Variants in ACOT7 observed in about 807,000 individuals in gnomAD.
ACOT7 encodes acyl-CoA thioesterase 7.
In ACOT7, 12 loss-of-function variants were observed where a neutral mutation model predicts 40.2. That is an observed-to-expected ratio of 0.30 (90% CI 0.19 to 0.48). ACOT7 has a LOEUF of 0.48. Ranked by LOEUF, ACOT7 falls within the 20% of genes least tolerant of loss-of-function variation. The pLI is 0.99. For missense variants in ACOT7, 395 were observed against 530.8 expected (o/e 0.74, Z 2.51); for synonymous variants, 228 against 219.5 (o/e 1.04, Z -0.34).
At chr1:6,264,778 C>A (rs1035401771) in intron 8 of ACOT7, 83 bp from the exon 9 acceptor site, 5 of 1,426,332 alleles carry the variant, frequency 3.5e-6, no homozygotes, top group Non-Finnish European at 4.8e-6. Flanking sequence ...TGGGGCCCTG[C>A]CCCCCACCCG....
intron 1 of ACOT7, among the ~76,000 whole-genome samples, chr1:6,371,046 T>C (rs1642124327): frequency 6.6e-6 from 1 of 152,120 alleles, no homozygotes; most frequent in Non-Finnish European, 1.5e-5. Context: ...CCTGACCTCG[T>C]GATCCACTTG....
chr1:6,272,400 T>C (rs1446856582), intron 8 of ACOT7, among the ~76,000 whole-genome samples: 2 of 152,038 alleles, frequency 1.3e-5, no homozygotes, highest in Non-Finnish European at 2.9e-5. Context: ...GCTCAGACCA[T>C]GGAGGGTCTG....
chr1:6,349,921 C>T lies in ACOT7; in HGVS notation c.144-55G>A, dbSNP rs1405828421. Reference sequence around the variant, plus strand: ...TCTGGAGAGGATGCCATTTGTGCAACAGTGACAATCCAAGGAGGGGAGAAG... The same window carrying T: ...TCTGGAGAGGATGCCATTTGTGCAATAGTGACAATCCAAGGAGGGGAGAAG... On this transcript the variant is annotated intron_variant, in intron 1 of 8. Coordinates refer to ENST00000361521, the MANE Select transcript of ACOT7 (RefSeq NM_007274.4). 8 of 1,548,336 alleles carry T rather than the reference C, an allele frequency of 5.2e-6. No homozygotes were observed. In the East Asian group the frequency reaches 1.1e-4, roughly 22 times the overall value.
intron 6 of ACOT7, chr1:6,295,193 G>T (rs1639779172): frequency 2.1e-6 from 1 of 486,920 alleles, no homozygotes; most frequent in Non-Finnish European, 3.7e-6. Context: ...GACCATGGCT[G>T]ATATGCCAAG....
In ACOT7 at chr1:6,282,433, C is replaced by T. The variant is rs1222191707; in HGVS notation, c.830-1147G>A. Among the ~76,000 whole-genome samples, 2 of 152,186 alleles carry T rather than the reference C, an allele frequency of 1.3e-5. No homozygotes were observed. Among genetic ancestry groups the T allele is most frequent in the Non-Finnish European group, 1.5e-5 (1 of 68,032 alleles). ...CAGAATGCCCTCCCAGGCGGCCCAG[C>T]GTGGCCTCTATTCTGGGCCAGGCTC... On this transcript the variant is annotated intron_variant, in intron 7 of 8. Coordinates refer to ENST00000361521, the MANE Select transcript of ACOT7 (RefSeq NM_007274.4). The surrounding 1 kb of genome is among the most constrained non-coding windows in gnomAD (Gnocchi z 4.5).
At chr1:6,387,179 A>G (rs1302239807) in intron 1 of ACOT7, among the ~76,000 whole-genome samples, 2 of 152,110 alleles carry the variant, frequency 1.3e-5, no homozygotes, top group African/African-American at 4.8e-5. Context: ...AGGGGCCAAC[A>G]GTAGGGGAAT....
At chr1:6,388,688 C>A (rs1160968679) in intron 1 of ACOT7, among the ~76,000 whole-genome samples, 9 of 143,846 alleles carry the variant, frequency 6.3e-5, no homozygotes, top group African/African-American at 2.3e-4. Flanking sequence ...TGCAGTGAGC[C>A]AAGATCCTGT....
At chr1:6,329,769 C>T (rs900427032) in intron 4 of ACOT7, among the ~76,000 whole-genome samples, 1 of 152,084 alleles carries the variant, frequency 6.6e-6, no homozygotes, top group Admixed American at 6.5e-5. Flanking sequence ...ATCTGAGAGA[C>T]AGGCTGTGAA....
At chr1:6,356,101 C>T (rs375906634) in intron 1 of ACOT7, among the ~76,000 whole-genome samples, 1 of 152,158 alleles carries the variant, frequency 6.6e-6, no homozygotes, top group African/African-American at 2.4e-5. Context: ...AAGATGAGGT[C>T]GCCGTGCCTT....
chr1:6,265,881 A>G (rs916465162), intron 8 of ACOT7, among the ~76,000 whole-genome samples: 4 of 152,200 alleles, frequency 2.6e-5, no homozygotes, highest in Admixed American at 2.6e-4. Flanking sequence ...TCATAGACAA[A>G]TGGTATATTG....
intron 1 of ACOT7, among the ~76,000 whole-genome samples, chr1:6,387,754 G>A (rs553005458): frequency 1.1e-3 from 167 of 152,300 alleles, no homozygotes; most frequent in Middle Eastern, 3.4e-3. Flanking sequence ...CACTTACAGC[G>A]TGAGGTTGGA....
intron 1 of ACOT7, among the ~76,000 whole-genome samples, chr1:6,360,168 T>G (rs1370524993): frequency 6.6e-6 from 1 of 152,244 alleles, no homozygotes; most frequent in Non-Finnish European, 1.5e-5. Flanking sequence ...CCACACGCAC[T>G]GGGTCCCACA....
intron 6 of ACOT7, among the ~76,000 whole-genome samples, chr1:6,305,095 G>A (rs554806027): frequency 3.3e-4 from 45 of 138,096 alleles, no homozygotes; most frequent in African/African-American, 6.5e-4. Context: ...CATCCCTCCC[G>A]GATGGGGCGG....
chr1:6,280,193 G>T (rs543661759), intron 8 of ACOT7, among the ~76,000 whole-genome samples: 21 of 152,320 alleles, frequency 1.4e-4, no homozygotes, highest in Admixed American at 1.2e-3. Context: ...CTCTGTTCCC[G>T]CATCCTCGCT....
chr1:6,292,732 A>G (rs1571277293), intron 7 of ACOT7, among the ~76,000 whole-genome samples: 2 of 141,288 alleles, frequency 1.4e-5, no homozygotes, highest in African/African-American at 2.7e-5. Context: ...CCCAGGCTGG[A>G]GTGTGGTGGT....
chr1:6,393,054 G>A, intron 1 of ACOT7, among the ~76,000 whole-genome samples: 1 of 151,620 alleles, frequency 6.6e-6, no homozygotes, highest in East Asian at 1.9e-4. Flanking sequence ...GCTGGAGGCG[G>A]GCGGGGGCCG....
chr1:6,384,643 T>C (rs1255265880), intron 1 of ACOT7, among the ~76,000 whole-genome samples: 3 of 151,802 alleles, frequency 2.0e-5, no homozygotes, highest in Non-Finnish European at 2.9e-5. Context: ...TATAGGAAGG[T>C]AAGGTTGAAA....
At chr1:6,298,885 T>C (rs1312431217) in intron 6 of ACOT7, among the ~76,000 whole-genome samples, 1 of 152,174 alleles carries the variant, frequency 6.6e-6, no homozygotes, top group Non-Finnish European at 1.5e-5. Context: ...TGTGTCAATA[T>C]CGAGGGCTTC....
Position 6,339,897 on chromosome 1 carries a change from T to G in ACOT7, c.262-308A>C, listed in dbSNP as rs1033557782. Among the ~76,000 whole-genome samples the G allele has an allele frequency of 4.3e-5, 6 of 138,290 alleles. 1 individual carries two copies. The highest frequency in any genetic ancestry group is 1.5e-4 in the African/African-American group (5 of 32,900). The allele number at this position is 138,290 out of a possible 152,430, so 90.7% of individuals were successfully genotyped here. Reference sequence around the variant, plus strand: ...TAGGACTACAGGCGCCCGCTGGGACTACAGCGGGCCTTCCGAGTAGCTGGG... The same window carrying G: ...TAGGACTACAGGCGCCCGCTGGGACGACAGCGGGCCTTCCGAGTAGCTGGG... On this transcript the variant is annotated intron_variant, in intron 2 of 8. Coordinates refer to ENST00000361521, the MANE Select transcript of ACOT7 (RefSeq NM_007274.4).
Sources: allele counts gnomAD v4.1 joint callset (sites outside exome capture counted in the v4.1 genomes callset), GRCh38; gene constraint gnomAD v4.1.1; non-coding constraint Gnocchi (gnomAD v3.1); transcripts MANE v1.5; gene names NCBI Gene and HGNC (gene_info 2026-07-23, HGNC 2026-07-21).